NLRX1: variants seen among roughly 807,000 people sequenced by gnomAD.
The protein encoded by NLRX1 is NOD-like receptor X1.
A neutral mutation model predicts 74.2 loss-of-function variants in NLRX1; 67 were observed. The observed-to-expected ratio is 0.90, with a 90% confidence interval of 0.74 to 1.11. The LOEUF (loss-of-function observed/expected upper bound fraction) is 1.11, where lower values mean the gene tolerates loss of function less well. NLRX1 is among the 50% of genes least tolerant of loss of function. The probability of loss-of-function intolerance (pLI) is 0.00; values close to 1 mark genes in which losing one functional copy is unlikely to be tolerated. For missense variants in NLRX1, 1,191 were observed against 1,305.4 expected, an observed-to-expected ratio of 0.91 and a Z score of 1.35; for synonymous variants, 506 against 559.1, an observed-to-expected ratio of 0.91 and a Z score of 1.34.
At chr11:119,170,754 C>T (rs1049385245) in intron 1 of NLRX1, among the ~76,000 whole-genome samples, 5 of 152,142 alleles carry the variant, frequency 3.3e-5, no homozygotes, top group African/African-American at 1.2e-4. Flanking sequence ...TCTGAGCTTG[C>T]TGGTGGCCAA....
Position 119,173,755 on chromosome 11 carries a change from G to T in NLRX1, c.506G>T (p.Gly169Val), listed in dbSNP as rs1334190352. Residue 169 changes from glycine to valine, a missense_variant, in exon 5 of 10, where the codon GGC (glycine) becomes GTC (valine). Coordinates refer to ENST00000409109, the MANE Select transcript of NLRX1 (RefSeq NM_001282144.2). This position sits in a 1 kb window ranked among gnomAD's most constrained non-coding sequence, Gnocchi z 4.0. ...VQTVVLYGTVGTGKSTLVRKM... is the reference protein window; with the variant it reads ...VQTVVLYGTVVTGKSTLVRKM... Reference sequence around the variant, plus strand: ...ACAGTGGTGCTGTATGGGACAGTGGGCACAGGCAAGAGCACGCTGGTGCGC... The same window carrying T: ...ACAGTGGTGCTGTATGGGACAGTGGTCACAGGCAAGAGCACGCTGGTGCGC... The T allele has an allele frequency of 6.2e-7, 1 of 1,613,666 alleles. No individual in the cohort carries two copies. Among genetic ancestry groups the T allele is most frequent in the Non-Finnish European group, 8.5e-7 (1 of 1,180,014 alleles).
chr11:119,180,473 G>A (rs1852651127), intron 7 of NLRX1, among the ~76,000 whole-genome samples, 185 bp downstream of exon 7: 1 of 152,218 alleles, frequency 6.6e-6, no homozygotes, highest in Non-Finnish European at 1.5e-5. Flanking sequence ...GGGAGCCCAA[G>A]GCGGGCGTAT....
In NLRX1 at chr11:119,174,043, C is replaced by T. The variant is rs199476042; in HGVS notation, c.794C>T (p.Pro265Leu). The change falls in exon 5 of 10, where the codon CCG becomes CTG. Residue 265 changes from proline (P) to leucine (L), a missense_variant. Physicochemically the swap from Pro to Leu is moderately conservative, Grantham distance 98 (BLOSUM62 -3). Coordinates refer to ENST00000409109, the MANE Select transcript of NLRX1 (RefSeq NM_001282144.2). Reference protein sequence around the residue: ...GTGLCSDPEEPQEPAAIIVNL... With the variant: ...GTGLCSDPEELQEPAAIIVNL... ...GGACTTTGTAGTGACCCGGAGGAAC[C>T]GCAGGAACCAGCTGCTATCATCGTC... The T allele has an allele frequency of 1.7e-5, 28 of 1,614,166 alleles. No individual in the cohort carries two copies. Among genetic ancestry groups the T allele is most frequent in the Middle Eastern group, 1.6e-4 (1 of 6,062 alleles).
rs1257367292 is a variant in NLRX1 at position 119,183,070 on chromosome 11, CCTT to C, written c.2607-45_2607-43del. On this transcript the variant is annotated intron_variant, in intron 9 of 9. Transcript: ENST00000409109. This position sits in a 1 kb window ranked among gnomAD's most constrained non-coding sequence, Gnocchi z 5.7. The stretch of plus-strand genomic sequence containing the variant: ...TTCCATCCATCTACCCTCGGGCCCT[CCTT>C]CTCAGAGCTCTACTGAATGGCATCG... 1.3e-6 allele frequency: 2 copies of C among 1,556,480 alleles called. No individual in the cohort carries two copies. The highest frequency in any genetic ancestry group is 2.4e-5 in the South Asian group (2 of 85,100).
At chr11:119,182,814 C>T (rs1948873079) in intron 9 of NLRX1, among the ~76,000 whole-genome samples, 1 of 151,496 alleles carries the variant, frequency 6.6e-6, no homozygotes, top group Non-Finnish European at 1.5e-5. Context: ...CTGAACCCGG[C>T]AGGTGGAGGT....
chr11:119,182,890 AAAAACAAAAAC>A (rs1221832560), intron 9 of NLRX1, among the ~76,000 whole-genome samples: 3 of 148,454 alleles, frequency 2.0e-5, no homozygotes, highest in Admixed American at 1.3e-4. Context: ...CCATCTCAAA[AAAAACAAAAAC>A]AAAAACAAAA....
chr11:119,171,219 C>G (rs1223078072), intron 1 of NLRX1, 137 bp from the exon 2 acceptor site: 1 of 534,696 alleles, frequency 1.9e-6, no homozygotes, highest in Non-Finnish European at 3.2e-6. Flanking sequence ...GAAAACCAGG[C>G]CAGGGCTTCA....
In NLRX1 at chr11:119,183,146, G is replaced by T. The variant is rs142717010; in HGVS notation, c.2635G>T (p.Gly879Cys). Residue 879 changes from glycine (G) to cysteine (C), a missense_variant, in exon 10 of 10, where the codon GGC becomes TGC. Gly to Cys is a radical substitution (Grantham distance 159). Transcript: ENST00000409109. This position sits in a 1 kb window ranked among gnomAD's most constrained non-coding sequence, Gnocchi z 5.7. The stretch of plus-strand genomic sequence containing the variant: ...CTACTTCAATGAGCTGAGCTCAGAG[G>T]GCCGCCAGGTCTTGCGAGACTTGGG... ...HLYFNELSSEGRQVLRDLGGA... is the reference protein window; with the variant it reads ...HLYFNELSSECRQVLRDLGGA... The T allele has an allele frequency of 3.6e-5, 58 of 1,614,072 alleles. No individual in the cohort carries two copies. In the African/African-American group the frequency reaches 4.4e-4, roughly 12 times the overall value.
Position 119,172,399 on chromosome 11 carries a change from AGGGGAGCGTCCCTTT to A in NLRX1, c.118_132del (p.Glu40_Gly44del). On this transcript the variant is annotated inframe_deletion, in exon 3 of 10. Transcript: ENST00000409109. Reference sequence around the variant, plus strand: ...TGATCCACTGGAGTTGGCCCCTTCAAGGGGAGCGTCCCTTTGGGCCCCCTAGGTGAGGCCTGGGTG... The same window carrying A: ...TGATCCACTGGAGTTGGCCCCTTCAAGGGCCCCCTAGGTGAGGCCTGGGTG... 2 of 1,613,836 alleles carry A rather than the reference AGGGGAGCGTCCCTTT, an allele frequency of 1.2e-6. No homozygotes were observed. Among genetic ancestry groups the A allele is most frequent in the Non-Finnish European group, 1.7e-6 (2 of 1,179,734 alleles).
rs975356000 is a variant in NLRX1 at position 119,174,847 on chromosome 11, A to AC, written c.1248dup (p.Ser417LeufsTer19). On this transcript the variant is annotated frameshift_variant, in exon 6 of 10. Coordinates refer to ENST00000409109, the MANE Select transcript of NLRX1 (RefSeq NM_001282144.2). LOFTEE classifies it high-confidence loss of function. ...AGCGGGGAAACCCTGGACAGCACTG[A>AC]CCCCTCCAATTTGTCCCTGATGGCC... 6.2e-7 allele frequency: 1 copy of AC among 1,613,844 alleles called. No homozygotes were observed. Among genetic ancestry groups the AC allele is most frequent in the African/African-American group, 1.3e-5 (1 of 74,986 alleles).
intron 6 of NLRX1, 46 bp from the exon 7 acceptor site, chr11:119,179,647 C>CAGGCACATGGAAGGCCGAAA: frequency 1.3e-6 from 2 of 1,518,522 alleles, no homozygotes; most frequent in South Asian, 1.2e-5. Context: ...GAAGGCTGAA[C>CAGGCACATGGAAGGCCGAAA]AGGCACATGG....
chr11:119,172,418 C>T lies in NLRX1; in HGVS notation c.133C>T (p.Pro45Ser). Reference protein sequence around the residue: ...WPLQGERPFGPPRAFIRHHGS... With the variant: ...WPLQGERPFGSPRAFIRHHGS... ...CCTTCAAGGGGAGCGTCCCTTTGGG[C>T]CCCCTAGGTGAGGCCTGGGTGTCAT... The change falls in exon 3 of 10, where the codon CCC becomes TCC. Residue 45 changes from proline (P) to serine (S), a missense_variant. By Grantham distance (74) the Pro-to-Ser change is moderately conservative. Coordinates refer to ENST00000409109, the MANE Select transcript of NLRX1 (RefSeq NM_001282144.2). 3 of 1,611,520 alleles carry T rather than the reference C, an allele frequency of 1.9e-6. No homozygotes were observed. Among genetic ancestry groups the T allele is most frequent in the African/African-American group, 1.3e-5 (1 of 74,996 alleles).
At chr11:119,171,713 A>G (rs144396574) in intron 2 of NLRX1, among the ~76,000 whole-genome samples, 4,187 of 152,026 alleles carry the variant, frequency 0.028, 197 homozygotes, top group African/African-American at 0.094. Context: ...AGCACTTTGG[A>G]AGGCCGAGGC....
In NLRX1 at chr11:119,174,003, C is replaced by T. The variant is rs145644388; in HGVS notation, c.754C>T (p.Arg252Trp). Reference protein sequence around the residue: ...HGLEHLNLDFRLAGTGLCSDP... With the variant: ...HGLEHLNLDFWLAGTGLCSDP... ...CTTAGAGCATCTCAACCTCGACTTC[C>T]GGCTGGCAGGCACGGGACTTTGTAG... The change falls in exon 5 of 10, where the codon CGG (arginine) becomes TGG (tryptophan). Residue 252 changes from arginine (R) to tryptophan (W), a missense_variant. By Grantham distance (101) the Arg-to-Trp change is moderately radical. Coordinates refer to ENST00000409109, the MANE Select transcript of NLRX1 (RefSeq NM_001282144.2). 571 of 1,614,176 alleles carry T rather than the reference C, an allele frequency of 3.5e-4. 5 individuals are homozygous for T. The African/African-American group carries it at 5.9e-3, about 17-fold the overall frequency.
Position 119,173,707 on chromosome 11 carries a change from A to C in NLRX1, c.458A>C (p.Asp153Ala), listed in dbSNP as rs1238464304. Residue 153 changes from aspartate (D) to alanine (A), a missense_variant, in exon 5 of 10, where the codon GAT (aspartate) becomes GCT (alanine). Physicochemically the swap from Asp to Ala is moderately radical, Grantham distance 126. Coordinates refer to ENST00000409109, the MANE Select transcript of NLRX1 (RefSeq NM_001282144.2). The surrounding 1 kb of genome is among the most constrained non-coding windows in gnomAD (Gnocchi z 4.0). ...PLALSQLFNPDACGRRVQTVV... is the reference protein window; with the variant it reads ...PLALSQLFNPAACGRRVQTVV... ...GCCTTGTCTCAGCTCTTTAACCCGGATGCCTGTGGGCGCCGGGTGCAGACA... is the reference window on the plus strand; with the variant it reads ...GCCTTGTCTCAGCTCTTTAACCCGGCTGCCTGTGGGCGCCGGGTGCAGACA... 6.2e-7 allele frequency: 1 copy of C among 1,613,978 alleles called. No homozygotes were observed. Among genetic ancestry groups the C allele is most frequent in the Non-Finnish European group, 8.5e-7 (1 of 1,179,974 alleles).
Position 119,179,730 on chromosome 11 carries a change from G to A in NLRX1, c.1709G>A (p.Ser570Asn). The A allele has an allele frequency of 6.2e-7, 1 of 1,610,614 alleles. No individual in the cohort carries two copies. The part of the protein sequence containing the change: ...PRVFGRMVGK[S>N]REAVAQAMVL... ...GTGTTTGGGCGCATGGTGGGTAAAA[G>A]CCGGGAGGCGGTGGCTCAGGCCATG... The change falls in exon 7 of 10, where the codon AGC becomes AAC. Residue 570 changes from serine (S) to asparagine (N), a missense_variant. Physicochemically the swap from Ser to Asn is conservative, Grantham distance 46. Coordinates refer to ENST00000409109, the MANE Select transcript of NLRX1 (RefSeq NM_001282144.2).
At chr11:119,174,228 C>A (rs1191353559) in intron 5 of NLRX1, 130 bp downstream of exon 5, 4 of 1,219,652 alleles carry the variant, frequency 3.3e-6, no homozygotes, top group Non-Finnish European at 4.5e-6. Flanking sequence ...ACTTCCCCAG[C>A]CTTCTGTTCC....
chr11:119,170,818 A>G (rs1453131068), intron 1 of NLRX1, among the ~76,000 whole-genome samples: 1 of 152,170 alleles, frequency 6.6e-6, no homozygotes, highest in Non-Finnish European at 1.5e-5. Context: ...ACTCAGGGAA[A>G]GGTGTTCGTG....
At chr11:119,182,769 C>T (rs1948872326) in intron 9 of NLRX1, among the ~76,000 whole-genome samples, 1 of 152,006 alleles carries the variant, frequency 6.6e-6, no homozygotes, top group African/African-American at 2.4e-5. Context: ...CACCTGTAAT[C>T]CCAGCTACTT....
Sources: allele counts gnomAD v4.1 joint callset (sites outside exome capture counted in the v4.1 genomes callset), GRCh38; gene constraint gnomAD v4.1.1; non-coding constraint Gnocchi (gnomAD v3.1); transcripts MANE v1.5; gene names NCBI Gene and HGNC (gene_info 2026-07-23, HGNC 2026-07-21).